TUBB6: variants seen among roughly 807,000 people sequenced by gnomAD.
The protein encoded by TUBB6 is tubulin beta-6 chain.
In TUBB6, 18 loss-of-function variants were observed where a neutral mutation model predicts 32.3. The observed-to-expected ratio is 0.56, with a 90% CI of 0.39 to 0.83. The LOEUF is 0.83. Ranked by LOEUF, TUBB6 falls within the 40% of genes least tolerant of loss-of-function variation. The pLI, the probability that TUBB6 is intolerant of heterozygous loss-of-function variation, is 0.00. For missense variants in TUBB6, 480 were observed against 632.0 expected (o/e 0.76, Z 2.58); for synonymous variants, 280 against 265.8 (o/e 1.05, Z -0.52).
rs777264262 is a variant in TUBB6 at position 12,325,940 on chromosome 18, A to G, written c.1151A>G (p.Gln384Arg). 1 of 1,614,050 alleles carries G rather than the reference A, an allele frequency of 6.2e-7. No homozygotes were observed. Among genetic ancestry groups the G allele is most frequent in the South Asian group, 1.1e-5 (1 of 91,076 alleles). Residue 384 changes from glutamine to arginine, a missense_variant, in exon 4 of 4, where the codon CAG becomes CGG. Coordinates refer to ENST00000317702, the MANE Select transcript of TUBB6 (RefSeq NM_032525.3). ...IQELFKRISEQFSAMFRRKAF... is the reference protein window; with the variant it reads ...IQELFKRISERFSAMFRRKAF... ...GAGCTGTTCAAGCGCATCTCCGAGC[A>G]GTTCTCAGCCATGTTCCGGCGCAAG... is the stretch of plus-strand genomic sequence containing the variant.
chr18:12,319,024 A>G (rs1200254424), intron 3 of TUBB6, among the ~76,000 whole-genome samples: 1 of 152,244 alleles, frequency 6.6e-6, no homozygotes, highest in Non-Finnish European at 1.5e-5. Flanking sequence ...CAGTGCAGAA[A>G]GGGAAAGCTG....
At chr18:12,312,805 G>A (rs540634882) in intron 3 of TUBB6, among the ~76,000 whole-genome samples, 1 of 151,976 alleles carries the variant, frequency 6.6e-6, no homozygotes, top group African/African-American at 2.4e-5. Flanking sequence ...TTTGAGACCA[G>A]CCTGACCAAC....
chr18:12,324,700 C>T, intron 3 of TUBB6: 1 of 1,031,520 alleles, frequency 9.7e-7, no homozygotes, highest in Non-Finnish European at 1.2e-6. Flanking sequence ...ATCCACCCGC[C>T]TCGGCCTCCC....
intron 3 of TUBB6, among the ~76,000 whole-genome samples, chr18:12,321,308 TAC>T (rs1906975256): frequency 6.6e-6 from 1 of 152,216 alleles, no homozygotes; most frequent in African/African-American, 2.4e-5. Context: ...ACTGAACACC[TAC>T]AGTGTGTAGC....
At chr18:12,308,582 G>A in intron 1 of TUBB6, 105 bp from the exon 2 acceptor site, 1 of 913,020 alleles carries the variant, frequency 1.1e-6, no homozygotes, top group Non-Finnish European at 1.7e-6. Context: ...CGGCGGCTCA[G>A]GCGCGCCTGG....
chr18:12,329,316 C>T, downstream of TUBB6: 2 of 679,272 alleles, frequency 2.9e-6, no homozygotes, highest in South Asian at 1.6e-5. Context: ...TCAACCTTTC[C>T]AGCACGTCTG....
At chr18:12,312,891 C>T (rs1013942794) in intron 3 of TUBB6, among the ~76,000 whole-genome samples, 9 of 149,186 alleles carry the variant, frequency 6.0e-5, no homozygotes, top group African/African-American at 1.2e-4. Flanking sequence ...CCCAGCTACT[C>T]GGGAGGCTGA....
intron 2 of TUBB6, among the ~76,000 whole-genome samples, chr18:12,310,491 A>C (rs1598799353): frequency 2.3e-3 from 1 of 432 alleles, no homozygotes. Flanking sequence ...ACTCCATCGC[A>C]AAAAAAAAAA....
intron 3 of TUBB6, among the ~76,000 whole-genome samples, chr18:12,312,351 G>A (rs973492709): frequency 2.0e-5 from 3 of 150,894 alleles, no homozygotes; most frequent in Admixed American, 6.6e-5. Flanking sequence ...AAGTAAGACT[G>A]AGAGGCAGAC....
In TUBB6 at chr18:12,323,808, CAA is replaced by C. The variant is rs555595088; in HGVS notation, c.278-1249_278-1248del. On this transcript the variant is annotated intron_variant, in intron 3 of 3. Transcript: ENST00000317702. ...TGGGTGGCAGAGCAAGACTCCGTCT[CAA>C]AAAAAAAAAGCACCATTATGCAGAA... is the stretch of plus-strand genomic sequence containing the variant. 5.7e-5 allele frequency among the ~76,000 whole-genome samples: 8 copies of C among 140,532 alleles called. No individual in the cohort carries two copies. The South Asian group carries it at 1.8e-3, about 32-fold the overall frequency. 92.2% of individuals were successfully genotyped at this position (140,532 alleles called of 152,430 possible). A position where few individuals can be genotyped will look rare whatever the true frequency, so the allele number is the denominator to read the frequency against.
chr18:12,309,986 A>G (rs1211922850), intron 2 of TUBB6, among the ~76,000 whole-genome samples: 2 of 151,614 alleles, frequency 1.3e-5, no homozygotes, highest in East Asian at 3.9e-4. Context: ...TGCTGTAAAT[A>G]CCTAGTTTAT....
At chr18:12,308,565 C>T (rs141383863) in intron 1 of TUBB6, 122 bp from the exon 2 acceptor site, 5 of 802,494 alleles carry the variant, frequency 6.2e-6, no homozygotes, top group African/African-American at 1.8e-5. Flanking sequence ...CAACTGGGAG[C>T]GGCTGCCGGC....
chr18:12,313,363 C>A (rs569988344), intron 3 of TUBB6, among the ~76,000 whole-genome samples: 29 of 152,300 alleles, frequency 1.9e-4, no homozygotes, highest in African/African-American at 7.0e-4. Flanking sequence ...CTAGCACTTA[C>A]AAGACTTCAG....
At position 12,325,135 on chromosome 18, in the gene TUBB6, G is replaced by A; in HGVS notation, c.346G>A (p.Val116Met). Residue 116 changes from valine to methionine, a missense_variant, in exon 4 of 4, where the codon GTG (valine) becomes ATG (methionine). By Grantham distance (21) the Val-to-Met change is conservative. Transcript: ENST00000317702. ...GGAGGGCGCGGAGCTGGTGGACGCA[G>A]TGCTGGACGTGGTGCGGAAGGAGTG... ...YTEGAELVDA[V>M]LDVVRKECEH... 1 of 1,610,942 alleles carries A rather than the reference G, an allele frequency of 6.2e-7. No homozygotes were observed. Among genetic ancestry groups the A allele is most frequent in the Non-Finnish European group, 8.5e-7 (1 of 1,177,984 alleles).
At chr18:12,308,476 C>T (rs1428750517) in intron 1 of TUBB6, 127 bp downstream of exon 1, 3 of 832,428 alleles carry the variant, frequency 3.6e-6, no homozygotes, top group South Asian at 6.7e-5. Flanking sequence ...CCGGTGCGGA[C>T]CCGCGAGGGC....
intron 2 of TUBB6, 62 bp from the exon 3 acceptor site, chr18:12,310,881 G>A (rs1906338021): frequency 8.4e-7 from 1 of 1,189,178 alleles, no homozygotes; most frequent in Admixed American, 2.3e-5. Flanking sequence ...ACTTGAAACG[G>A]GGAAGTCAAT....
chr18:12,325,133 C>T lies in TUBB6; in HGVS notation c.344C>T (p.Ala115Val), dbSNP rs990792326. 6.2e-7 allele frequency: 1 copy of T among 1,608,696 alleles called. No homozygotes were observed. Among genetic ancestry groups the T allele is most frequent in the Non-Finnish European group, 8.5e-7 (1 of 1,176,492 alleles). The change falls in exon 4 of 4, where the codon GCA becomes GTA. Residue 115 changes from alanine (A) to valine (V), a missense_variant. Coordinates refer to ENST00000317702, the MANE Select transcript of TUBB6 (RefSeq NM_032525.3). ...ACGGAGGGCGCGGAGCTGGTGGACG[C>T]AGTGCTGGACGTGGTGCGGAAGGAG... is the stretch of plus-strand genomic sequence containing the variant. Reference protein sequence around the residue: ...HYTEGAELVDAVLDVVRKECE... With the variant: ...HYTEGAELVDVVLDVVRKECE...
chr18:12,327,569 T>C (rs1438098582), downstream of TUBB6, among the ~76,000 whole-genome samples: 6 of 152,174 alleles, frequency 3.9e-5, no homozygotes, highest in Non-Finnish European at 7.4e-5. Context: ...AAAATAAATC[T>C]TACCAGCTCA....
In TUBB6 at chr18:12,308,748, C is replaced by T. The variant is rs529510407; in HGVS notation, c.119C>T (p.Ser40Leu). The change falls in exon 2 of 4, where the codon TCG becomes TTG. Residue 40 changes from serine to leucine, a missense_variant. Transcript: ENST00000317702. ...CCGGCCGGAGGCTACGTGGGAGACT[C>T]GGCGCTGCAGCTGGAGAGAATCAAC... ...IDPAGGYVGD[S>L]ALQLERINVY... is the part of the protein sequence containing the mutation. The T allele has an allele frequency of 1.2e-6, 2 of 1,613,144 alleles. No homozygotes were observed. Among genetic ancestry groups the T allele is most frequent in the Admixed American group, 1.7e-5 (1 of 60,014 alleles).
Sources: gnomAD v4.1 joint callset for allele counts (sites outside exome capture counted in the v4.1 genomes callset) on GRCh38, gnomAD v4.1.1 for gene constraint, MANE v1.5 for transcripts, NCBI Gene and HGNC (gene_info 2026-07-23, HGNC 2026-07-21) for gene names.